The following ITGA6 variants were observed in gnomAD, a reference collection of about 807,000 sequenced individuals.
ITGA6 encodes integrin subunit alpha 6, also known as integrin alpha-6.
A neutral mutation model predicts 133.6 loss-of-function variants in ITGA6; 63 were observed. The ratio of observed to expected loss-of-function variants is 0.47; its 90% CI spans 0.38 to 0.58. ITGA6 has a LOEUF of 0.58. ITGA6 is among the 20% of genes least tolerant of loss of function. ITGA6 has a pLI of 0.00. For synonymous variants in ITGA6, 434 were observed against 482.0 expected (o/e 0.90, Z 1.30); for missense variants, 1,068 against 1,309.4 (o/e 0.82, Z 2.85).
At chr2:172,478,375 G>C (rs935210644) in intron 9 of ITGA6, among the ~76,000 whole-genome samples, 1 of 152,198 alleles carries the variant, frequency 6.6e-6, no homozygotes, top group African/African-American at 2.4e-5. Flanking sequence ...CTGTTCTCCA[G>C]AATGGCTGGG....
rs572694541 is a variant in ITGA6, at chr2:172,446,002, T to C, written c.182+18032T>C. Among the ~76,000 whole-genome samples the C allele has an allele frequency of 3.3e-5, 5 of 152,312 alleles. No homozygotes were observed. The South Asian group carries it at 1.0e-3, about 32-fold the overall frequency. On this transcript the variant is annotated intron_variant, in intron 1 of 25. Coordinates refer to ENST00000684293, the MANE Select transcript of ITGA6 (RefSeq NM_000210.4). ...AGCTAAAGAGGGAGGTTCAGTTGAGTAGTAGTTATTCAGGGTGGCCTTATG... is the reference window on the plus strand; with the variant it reads ...AGCTAAAGAGGGAGGTTCAGTTGAGCAGTAGTTATTCAGGGTGGCCTTATG...
At chr2:172,478,882 T>A (rs1243209848) in intron 9 of ITGA6, among the ~76,000 whole-genome samples, 1 of 152,136 alleles carries the variant, frequency 6.6e-6, no homozygotes, top group African/African-American at 2.4e-5. Context: ...ATTGCCTGTA[T>A]TAATTCACAT....
At chr2:172,469,414 G>GGGGAACTAATCTCTAT in intron 4 of ITGA6, 34 bp downstream of exon 4, 1 of 1,516,566 alleles carries the variant, frequency 6.6e-7, no homozygotes, top group Non-Finnish European at 9.0e-7. Context: ...ATAGAGATTA[G>GGGGAACTAATCTCTAT]TTCCCCTAAT....
chr2:172,474,547 A>G (rs1009282804), intron 6 of ITGA6, among the ~76,000 whole-genome samples: 1 of 152,172 alleles, frequency 6.6e-6, no homozygotes, highest in Admixed American at 6.5e-5. Context: ...CTCAGAAAAC[A>G]CTTGCATGAT....
chr2:172,506,440 G>C lies in ITGA6; in HGVS notation c.*2372G>C, dbSNP rs1482199537. On this transcript the variant is annotated 3_prime_UTR_variant, in exon 26 of 26. Coordinates refer to ENST00000684293, the MANE Select transcript of ITGA6 (RefSeq NM_000210.4). ...TCTTTATGATTAAAAGAAACCTACAGGTATTTAACAACCTACAAATTGGGA... is the reference window on the plus strand; with the variant it reads ...TCTTTATGATTAAAAGAAACCTACACGTATTTAACAACCTACAAATTGGGA... Among the ~76,000 whole-genome samples the C allele has an allele frequency of 1.3e-5, 2 of 152,132 alleles. No homozygotes were observed. The highest frequency in any genetic ancestry group is 4.8e-5 in the African/African-American group (2 of 41,500).
chr2:172,437,683 G>A (rs933346841), intron 1 of ITGA6, among the ~76,000 whole-genome samples: 3 of 152,140 alleles, frequency 2.0e-5, no homozygotes, highest in African/African-American at 7.2e-5. Flanking sequence ...AGTTGGAAAG[G>A]TTTGATTGGT....
intron 9 of ITGA6, among the ~76,000 whole-genome samples, chr2:172,478,263 A>G (rs902877118): frequency 1.3e-5 from 2 of 152,224 alleles, no homozygotes; most frequent in Admixed American, 6.5e-5. Context: ...ATTGGACCCT[A>G]CCTTCACTGT....
At chr2:172,444,347 T>C (rs866137669) in intron 1 of ITGA6, among the ~76,000 whole-genome samples, 3 of 152,214 alleles carry the variant, frequency 2.0e-5, no homozygotes, top group South Asian at 2.1e-4. Flanking sequence ...TGATTCAGTA[T>C]ACACAAAGAA....
At chr2:172,495,965 G>C (rs1018855812) in intron 23 of ITGA6, among the ~76,000 whole-genome samples, 1 of 152,142 alleles carries the variant, frequency 6.6e-6, no homozygotes, top group Non-Finnish European at 1.5e-5. Context: ...CAGATTTACT[G>C]GAACTTTTTC....
At chr2:172,428,966 A>T (rs901585589) in intron 1 of ITGA6, among the ~76,000 whole-genome samples, 12 of 152,236 alleles carry the variant, frequency 7.9e-5, no homozygotes, top group Non-Finnish European at 1.8e-4. Context: ...AGGCTGTAGC[A>T]ACAAAAGGTC....
chr2:172,470,284 A>C (rs1458744016), intron 4 of ITGA6, among the ~76,000 whole-genome samples: 1 of 152,194 alleles, frequency 6.6e-6, no homozygotes, highest in African/African-American at 2.4e-5. Context: ...CTTCATGTAC[A>C]GTATTTCCCA....
intron 1 of ITGA6, among the ~76,000 whole-genome samples, chr2:172,444,830 G>T (rs920283182): frequency 1.3e-5 from 2 of 151,642 alleles, no homozygotes; most frequent in Non-Finnish European, 2.9e-5. Context: ...TAGCTCCCGT[G>T]CTATGGCCAC....
At chr2:172,488,892 G>A (rs1686802835) in intron 19 of ITGA6, among the ~76,000 whole-genome samples, 1 of 152,164 alleles carries the variant, frequency 6.6e-6, no homozygotes. Context: ...CTCTATGCAG[G>A]TGCAGCTGGA....
chr2:172,479,624 A>C lies in ITGA6; in HGVS notation c.1389-17A>C, dbSNP rs760384613. On this transcript the variant is annotated splice_polypyrimidine_tract_variant and intron_variant, in intron 9 of 25. Transcript: ENST00000684293. ...GTAACAGAGGCTGAGCTTGTTTTTC[A>C]CTCCTTTTGTCTTCAGATCCCGGCC... The C allele has an allele frequency of 6.2e-7, 1 of 1,605,310 alleles. No individual in the cohort carries two copies. The highest frequency in any genetic ancestry group is 8.5e-7 in the Non-Finnish European group (1 of 1,172,322).
chr2:172,501,993 C>T, intron 25 of ITGA6, 92 bp downstream of exon 25: 2 of 1,120,092 alleles, frequency 1.8e-6, no homozygotes, highest in Middle Eastern at 4.2e-4. Flanking sequence ...ATGTGTGTCC[C>T]ATTAACAGAT....
intron 1 of ITGA6, among the ~76,000 whole-genome samples, chr2:172,452,790 C>T (rs1685060748): frequency 6.6e-6 from 1 of 152,216 alleles, no homozygotes; most frequent in African/African-American, 2.4e-5. Flanking sequence ...CAGATAAGGG[C>T]ATCTGCATTA....
intron 23 of ITGA6, among the ~76,000 whole-genome samples, chr2:172,493,156 C>T (rs528929852): frequency 6.6e-6 from 1 of 152,244 alleles, no homozygotes; most frequent in Non-Finnish European, 1.5e-5. Context: ...AATCCGCCTG[C>T]CTCAGCCTCC....
intron 6 of ITGA6, among the ~76,000 whole-genome samples, chr2:172,474,719 G>A (rs1201617607): frequency 1.3e-5 from 2 of 152,282 alleles, no homozygotes; most frequent in African/African-American, 4.8e-5. Flanking sequence ...GTTCTAACTC[G>A]AGAAATTGGC....
At chr2:172,443,200 C>T (rs1248047660) in intron 1 of ITGA6, among the ~76,000 whole-genome samples, 1 of 152,118 alleles carries the variant, frequency 6.6e-6, no homozygotes, top group Non-Finnish European at 1.5e-5. Flanking sequence ...TTCTTTTGCA[C>T]CTTGCTCTTT....
Sources: gnomAD v4.1 joint callset for allele counts (sites outside exome capture counted in the v4.1 genomes callset) on GRCh38, gnomAD v4.1.1 for gene constraint, MANE v1.5 for transcripts, NCBI Gene and HGNC (gene_info 2026-07-23, HGNC 2026-07-21) for gene names.